The following SLC25A45 variants were observed in gnomAD, a reference collection of about 807,000 sequenced individuals.
The protein encoded by SLC25A45 is solute carrier family 25 member 45.
Under a neutral mutation model 23.0 loss-of-function variants are expected in SLC25A45, and 22 were observed. That is an observed-to-expected ratio of 0.95 (90% CI 0.68 to 1.36). The LOEUF (loss-of-function observed/expected upper bound fraction) is 1.36. SLC25A45 is among the 40% of genes most tolerant of loss of function. SLC25A45 has a pLI of 0.00. For synonymous variants in SLC25A45, 136 were observed against 155.0 expected (o/e 0.88, Z 0.91); for missense variants, 355 against 383.5 (o/e 0.93, Z 0.62).
chr11:65,380,335 G>T (rs1350934205), intron 2 of SLC25A45, 160 bp from the exon 3 acceptor site: 3 of 1,089,188 alleles, frequency 2.8e-6, no homozygotes. Flanking sequence ...GACTCCAGCT[G>T]CCCCTGCCAC....
chr11:65,377,075 G>T lies in SLC25A45; in HGVS notation c.341C>A (p.Ala114Asp). 11 of 1,612,306 alleles carry T rather than the reference G, an allele frequency of 6.8e-6. No homozygotes were observed. The highest frequency in any genetic ancestry group is 9.3e-6 in the Non-Finnish European group (11 of 1,178,930). ...LAGCTGGFLQ[A>D]YCLAPFDLIK... Reference sequence around the variant, plus strand: ...GAGGTCAAAAGGAGCCAGACAGTAGGCCTGTTGGTGATGAAACATGAGGGC... The same window carrying T: ...GAGGTCAAAAGGAGCCAGACAGTAGTCCTGTTGGTGATGAAACATGAGGGC... The change falls in exon 6 of 7, where the codon GCC becomes GAC. Residue 114 changes from alanine (A) to aspartate (D), a missense_variant and splice_region_variant. Ala to Asp is a moderately radical substitution (Grantham distance 126). Transcript: ENST00000398802.
At chr11:65,379,254 C>G in intron 5 of SLC25A45, 122 bp downstream of exon 5, 3 of 1,191,694 alleles carry the variant, frequency 2.5e-6, no homozygotes, top group Non-Finnish European at 3.6e-6. Context: ...GCACAGGCCT[C>G]TTGTTCCCCT....
rs773526145 is a variant in SLC25A45, at chr11:65,380,176, C to T, written c.38-1G>A. ...TGTCCCAGGACCAAGCCCAGAGCGCCTGTGGTGACAAGAGGGTGCTATGAG... is the reference window on the plus strand; with the variant it reads ...TGTCCCAGGACCAAGCCCAGAGCGCTTGTGGTGACAAGAGGGTGCTATGAG... On this transcript the variant is annotated splice_acceptor_variant, in intron 2 of 6. Transcript: ENST00000398802. LOFTEE classifies it high-confidence loss of function. 1.2e-6 allele frequency: 2 copies of T among 1,614,200 alleles called. No homozygotes were observed.
rs373554602 is a variant in SLC25A45 at position 65,381,947 on chromosome 11, G to A, written c.5C>T (p.Pro2Leu). Residue 2 changes from proline (P) to leucine (L), a missense_variant, in exon 2 of 7, where the codon CCG (proline) becomes CTG (leucine). Physicochemically the swap from Pro to Leu is moderately conservative, Grantham distance 98 (BLOSUM62 -3). Coordinates refer to ENST00000398802, the MANE Select transcript of SLC25A45 (RefSeq NM_182556.4). Reference sequence around the variant, plus strand: ...CCAGCCAGCCACAAATTCCTCCACCGGCATTGTCTGGGCTTGCGGGAACTG... The same window carrying A: ...CCAGCCAGCCACAAATTCCTCCACCAGCATTGTCTGGGCTTGCGGGAACTG... Reference protein sequence around the residue: MPVEEFVAGWIS... With the variant: MLVEEFVAGWIS... The A allele has an allele frequency of 8.5e-5, 137 of 1,613,934 alleles. 1 individual carries two copies. The highest frequency in any genetic ancestry group is 1.0e-4 in the Non-Finnish European group (123 of 1,179,958).
rs745406889 is a variant in SLC25A45 at position 65,379,346 on chromosome 11, C to CAT, written c.339+29_339+30insAT. The CAT allele has an allele frequency of 2.5e-6, 4 of 1,602,376 alleles. No individual in the cohort carries two copies. The South Asian group carries it at 4.4e-5, about 18-fold the overall frequency. On this transcript the variant is annotated intron_variant, in intron 5 of 6. Coordinates refer to ENST00000398802, the MANE Select transcript of SLC25A45 (RefSeq NM_182556.4). ...GATCGAGATGACCATCCCTATGACA[C>CAT]CTGTGTGTGCCCACTCACTGCCCCC...
chr11:65,378,561 G>A (rs1429395443), intron 5 of SLC25A45: 1 of 152,228 alleles, frequency 6.6e-6, no homozygotes, highest in African/African-American at 2.4e-5. Flanking sequence ...CGCACAAGAA[G>A]GGGCAGAAGA....
rs200173771 is a variant in SLC25A45 at position 65,376,383 on chromosome 11, G to A, written c.*24C>T. On this transcript the variant is annotated 3_prime_UTR_variant, in exon 7 of 7. Coordinates refer to ENST00000398802, the MANE Select transcript of SLC25A45 (RefSeq NM_182556.4). ...GCCTCCAGGCCGTGGGCCTGATGGG[G>A]AGCTGCTGGCATTGCCGCAGGGCTC... 6.2e-7 allele frequency: 1 copy of A among 1,606,042 alleles called. No individual in the cohort carries two copies. Among genetic ancestry groups the A allele is most frequent in the Non-Finnish European group, 8.5e-7 (1 of 1,173,450 alleles).
At position 65,382,154 on chromosome 11, in the gene SLC25A45, G is replaced by A. The variant is rs1352825824; in HGVS notation, c.-18-185C>T. The stretch of plus-strand genomic sequence containing the variant: ...GTGACCCTGGCCACCTGGAGGAGTC[G>A]TGCAGAGTACAGTCTCACGGGCCAG... On this transcript the variant is annotated intron_variant, in intron 1 of 6. Coordinates refer to ENST00000398802, the MANE Select transcript of SLC25A45 (RefSeq NM_182556.4). The surrounding 1 kb of genome is among the most constrained non-coding windows in gnomAD (Gnocchi z 4.4). 4.9e-6 allele frequency: 3 copies of A among 617,928 alleles called. No homozygotes were observed. The highest frequency in any genetic ancestry group is 5.9e-6 in the Non-Finnish European group (2 of 340,636). The allele number at this position is 617,928 out of a possible 1,614,324, so 38.3% of individuals were successfully genotyped here.
At chr11:65,381,751 C>T (rs1383243007) in intron 2 of SLC25A45, 164 bp downstream of exon 2, 9 of 776,848 alleles carry the variant, frequency 1.2e-5, no homozygotes, top group Non-Finnish European at 2.0e-5. Flanking sequence ...GAGACAGGGG[C>T]CTCCCTATGT....
chr11:65,382,341 T>G lies in SLC25A45; in HGVS notation c.-19+145A>C. 3.9e-6 allele frequency: 1 copy of G among 256,164 alleles called. No homozygotes were observed. Among genetic ancestry groups the G allele is most frequent in the Non-Finnish European group, 7.9e-6 (1 of 126,580 alleles). 15.9% of individuals were successfully genotyped at this position (256,164 alleles called of 1,614,324 possible). On this transcript the variant is annotated intron_variant, in intron 1 of 6. Transcript: ENST00000398802. The surrounding 1 kb of genome is among the most constrained non-coding windows in gnomAD (Gnocchi z 4.4). ...CCCAGCCAGCCCAGCTCCACTCCCA[T>G]TCATCTCCACCAAGGGGCATGGCCG...
rs1166745593 is a variant in SLC25A45, at chr11:65,376,897, C to T, written c.519G>A (p.Arg173=). 1 of 1,613,454 alleles carries T rather than the reference C, an allele frequency of 6.2e-7. No homozygotes were observed. The highest frequency in any genetic ancestry group is 1.7e-5 in the Admixed American group (1 of 60,010). ...AGTAGATCCCCACCGTGGGGGTGTC[C>T]CTCAGCGTCAGGGCCCAGGCTCCTC... ...LFRGAWALTL[R]DTPTVGIYFI... Residue 173 remains arginine, a synonymous_variant, in exon 6 of 7, where the codon AGG becomes AGA. Transcript: ENST00000398802.
At position 65,377,078 on chromosome 11, in the gene SLC25A45, T is replaced by C; in HGVS notation, c.340-2A>G. 1 of 1,611,380 alleles carries C rather than the reference T, an allele frequency of 6.2e-7. No homozygotes were observed. The highest frequency in any genetic ancestry group is 8.5e-7 in the Non-Finnish European group (1 of 1,178,460). On this transcript the variant is annotated splice_acceptor_variant, in intron 5 of 6. Coordinates refer to ENST00000398802, the MANE Select transcript of SLC25A45 (RefSeq NM_182556.4). LOFTEE classifies it high-confidence loss of function. ...GTCAAAAGGAGCCAGACAGTAGGCC[T>C]GTTGGTGATGAAACATGAGGGCCCC...
chr11:65,377,063 G>T lies in SLC25A45; in HGVS notation c.353C>A (p.Ala118Asp), dbSNP rs766991047. Residue 118 changes from alanine to aspartate, a missense_variant, in exon 6 of 7, where the codon GCT becomes GAT. Ala to Asp is a moderately radical substitution (Grantham distance 126). Coordinates refer to ENST00000398802, the MANE Select transcript of SLC25A45 (RefSeq NM_182556.4). ...TGGFLQAYCL[A>D]PFDLIKVRLQ... ...CCGGACTTTGATGAGGTCAAAAGGA[G>T]CCAGACAGTAGGCCTGTTGGTGATG... 3 of 1,613,824 alleles carry T rather than the reference G, an allele frequency of 1.9e-6. No individual in the cohort carries two copies. Among genetic ancestry groups the T allele is most frequent in the Middle Eastern group, 1.7e-4 (1 of 6,052 alleles).
chr11:65,380,848 C>G lies in SLC25A45; in HGVS notation c.38-673G>C, dbSNP rs375823905. The G allele has an allele frequency of 4.0e-3, 1,227 of 305,086 alleles. 28 individuals are homozygous for G. Among genetic ancestry groups the G allele is most frequent in the South Asian group, 0.031 (1,190 of 38,966 alleles). 18.9% of individuals were successfully genotyped at this position (305,086 alleles called of 1,614,324 possible). ...CCACAGCACAACAGGCCTCAGGGCC[C>G]GGGACTGCGGCCCACAGCCAGGTGG... is the stretch of plus-strand genomic sequence containing the variant. On this transcript the variant is annotated intron_variant, in intron 2 of 6. Transcript: ENST00000398802.
In SLC25A45 at chr11:65,376,373, G is replaced by A. The variant is rs983113214; in HGVS notation, c.*34C>T. 8.7e-6 allele frequency: 14 copies of A among 1,603,514 alleles called. No individual in the cohort carries two copies. The highest frequency in any genetic ancestry group is 7.7e-5 in the South Asian group (7 of 90,718). ...TCTCAAACTGGCCTCCAGGCCGTGGGCCTGATGGGGAGCTGCTGGCATTGC... is the reference window on the plus strand; with the variant it reads ...TCTCAAACTGGCCTCCAGGCCGTGGACCTGATGGGGAGCTGCTGGCATTGC... On this transcript the variant is annotated 3_prime_UTR_variant, in exon 7 of 7. Transcript: ENST00000398802.
Position 65,379,388 on chromosome 11 carries a change from C to A in SLC25A45, c.327G>T (p.Gly109=). The A allele has an allele frequency of 6.2e-7, 1 of 1,610,162 alleles. No homozygotes were observed. The highest frequency in any genetic ancestry group is 1.1e-5 in the South Asian group (1 of 91,078). ...ACTGCCCCCTCACCTGCAGGAACCC[C>A]CCGGTGCAGCCCGCTAGGAAGATGT... ...YMHIFLAGCT[G]GFLQAYCLAP... is the part of the protein sequence containing the mutation. Residue 109 remains glycine (G), a synonymous_variant, in exon 5 of 7, where the codon GGG becomes GGT. Coordinates refer to ENST00000398802, the MANE Select transcript of SLC25A45 (RefSeq NM_182556.4).
chr11:65,382,267 C>G lies in SLC25A45; in HGVS notation c.-19+219G>C. 2.2e-6 allele frequency: 1 copy of G among 444,460 alleles called. No homozygotes were observed. The highest frequency in any genetic ancestry group is 4.2e-6 in the Non-Finnish European group (1 of 239,102). The allele number at this position is 444,460 out of a possible 1,614,324, so 27.5% of individuals were successfully genotyped here. A position where few individuals can be genotyped will look rare whatever the true frequency, so the allele number is the denominator to read the frequency against. On this transcript the variant is annotated intron_variant, in intron 1 of 6. Transcript: ENST00000398802. This position sits in a 1 kb window ranked among gnomAD's most constrained non-coding sequence, Gnocchi z 4.4. ...GGCAACTGGGTTCCTGCCCCATGGT[C>G]GGGCCCCTCCAGGGCTGCCTTAGTC...
In SLC25A45 at chr11:65,376,025, A is replaced by C; in HGVS notation, c.*382T>G. The C allele has an allele frequency of 4.8e-6, 1 of 207,920 alleles. No homozygotes were observed. The highest frequency in any genetic ancestry group is 9.5e-6 in the Non-Finnish European group (1 of 105,174). The allele number at this position is 207,920 out of a possible 1,614,324, so 12.9% of individuals were successfully genotyped here. A position where few individuals can be genotyped will look rare whatever the true frequency, so the allele number is the denominator to read the frequency against. On this transcript the variant is annotated 3_prime_UTR_variant, in exon 7 of 7. Transcript: ENST00000398802. ...GCGGAGGTTGCAGTGAGCCGAGATC[A>C]CGCCACTGCATTCCAGCCTGGGTGA...
rs1287600247 is a variant in SLC25A45, at chr11:65,375,816, A to G, written c.*591T>C. 6.5e-6 allele frequency: 1 copy of G among 153,836 alleles called. No individual in the cohort carries two copies. The highest frequency in any genetic ancestry group is 1.4e-5 in the Non-Finnish European group (1 of 69,208). 9.5% of individuals were successfully genotyped at this position (153,836 alleles called of 1,614,324 possible). The stretch of plus-strand genomic sequence containing the variant: ...GGTGGCTCACGCCTGTAATCCCAGC[A>G]CTTTGAGAGGCCGACGCGGGCGGAT... On this transcript the variant is annotated 3_prime_UTR_variant, in exon 7 of 7. Coordinates refer to ENST00000398802, the MANE Select transcript of SLC25A45 (RefSeq NM_182556.4).
Sources: allele counts gnomAD v4.1 joint callset, GRCh38; gene constraint gnomAD v4.1.1; non-coding constraint Gnocchi (gnomAD v3.1); transcripts MANE v1.5; gene names NCBI Gene and HGNC (gene_info 2026-07-23, HGNC 2026-07-21).